The following GZMB variants were observed in gnomAD, a reference collection of about 807,000 sequenced individuals.
The protein encoded by GZMB is granzyme B.
In GZMB, 27 loss-of-function variants were observed where a neutral mutation model predicts 24.2. The ratio of observed to expected loss-of-function variants is 1.12; its 90% CI spans 0.82 to 1.54. The LOEUF (loss-of-function observed/expected upper bound fraction) is 1.54, where lower values mean the gene tolerates loss of function less well. Among genes scored for constraint, GZMB ranks in the 40% most tolerant of loss-of-function variants. The probability of loss-of-function intolerance (pLI) is 0.00; values close to 1 mark genes in which losing one functional copy is unlikely to be tolerated. For missense variants in GZMB, 336 were observed against 310.1 expected, an observed-to-expected ratio of 1.08 and a Z score of -0.63; for synonymous variants, 121 against 115.1, an observed-to-expected ratio of 1.05 and a Z score of -0.33.
rs745542995 is a variant in GZMB, at chr14:24,632,508, GC to G, written c.204-50del. 1.9e-6 allele frequency: 3 copies of G among 1,612,856 alleles called. No individual in the cohort carries two copies. The South Asian group carries it at 3.3e-5, about 18-fold the overall frequency. On this transcript the variant is annotated intron_variant, in intron 2 of 4. Transcript: ENST00000216341. ...TGGGGGTGGAGTCACAGGGTATACA[GC>G]CCAGAGACAGTGAAGAGCAGGTGAC...
chr14:24,634,011 A>G, intron 1 of GZMB, 95 bp downstream of exon 1: 4 of 1,125,278 alleles, frequency 3.6e-6, no homozygotes, highest in Non-Finnish European at 5.3e-6. Flanking sequence ...GGAGTTCAGA[A>G]CATTCCTGGT....
chr14:24,632,168 C>T (rs763703713), intron 3 of GZMB, 50 bp from the exon 4 acceptor site: 2 of 1,602,166 alleles, frequency 1.2e-6, no homozygotes, highest in Admixed American at 1.7e-5. Context: ...AACTTCTGGG[C>T]CCCGACACAG....
In GZMB at chr14:24,631,915, G is replaced by A. The variant is rs199941584; in HGVS notation, c.543C>T (p.Tyr181=). The A allele has an allele frequency of 3.0e-5, 48 of 1,613,788 alleles. No homozygotes were observed. The highest frequency in any genetic ancestry group is 4.0e-5 in the African/African-American group (3 of 75,032). Reference sequence around the variant, plus strand: ...CCACGCACAACTCAATGGTACTGTCGTAATAATGGCGTAAGTCAGATTCGC... The same window carrying A: ...CCACGCACAACTCAATGGTACTGTCATAATAATGGCGTAAGTCAGATTCGC... ...RKCESDLRHY[Y]DSTIELCVGD... The change falls in exon 4 of 5, where the codon TAC becomes TAT. Residue 181 remains tyrosine (Y), a synonymous_variant. Coordinates refer to ENST00000216341, the MANE Select transcript of GZMB (RefSeq NM_004131.6).
chr14:24,633,020 G>A lies in GZMB; in HGVS notation c.98C>T (p.Pro33Leu), dbSNP rs912310282. The part of the protein sequence containing the change: ...GGHEAKPHSR[P>L]YMAYLMIWDQ... The stretch of plus-strand genomic sequence containing the variant: ...CCAGATCATAAGATAAGCCATGTAG[G>A]GGCGGGAGTGGGGCTTGGCCTCATG... The change falls in exon 2 of 5, where the codon CCC becomes CTC. Residue 33 changes from proline to leucine, a missense_variant. Coordinates refer to ENST00000216341, the MANE Select transcript of GZMB (RefSeq NM_004131.6). The A allele has an allele frequency of 3.1e-6, 5 of 1,613,552 alleles. No homozygotes were observed. Among genetic ancestry groups the A allele is most frequent in the East Asian group, 4.5e-5 (2 of 44,850 alleles).
At chr14:24,634,035 A>C in intron 1 of GZMB, 71 bp downstream of exon 1, 1 of 1,288,078 alleles carries the variant, frequency 7.8e-7, no homozygotes. Context: ...TAGATGGATC[A>C]GGAATGTGGA....
chr14:24,634,097 G>C lies in GZMB; in HGVS notation c.55+9C>G. 6.3e-7 allele frequency: 1 copy of C among 1,589,150 alleles called. No homozygotes were observed. Among genetic ancestry groups the C allele is most frequent in the Non-Finnish European group, 8.6e-7 (1 of 1,168,830 alleles). ...GGTTGGGCCCCCGAGGGTGGAGACG[G>C]TCACTCACCTGCATCTGCCCTGGGC... On this transcript the variant is annotated intron_variant, in intron 1 of 4. Transcript: ENST00000216341.
At chr14:24,631,512 T>G in intron 4 of GZMB, 3 of 544,538 alleles carry the variant, frequency 5.5e-6, no homozygotes, top group Non-Finnish European at 9.8e-6. Flanking sequence ...ATGTCCACCA[T>G]GGAGGACCAG....
chr14:24,632,166 G>C, intron 3 of GZMB, 48 bp from the exon 4 acceptor site: 1 of 1,603,606 alleles, frequency 6.2e-7, no homozygotes, highest in Non-Finnish European at 8.5e-7. Context: ...CGAACTTCTG[G>C]GCCCCGACAC....
At chr14:24,633,808 A>C (rs572625254) in intron 1 of GZMB, 1 of 453,752 alleles carries the variant, frequency 2.2e-6, no homozygotes, top group Admixed American at 3.4e-5. Flanking sequence ...AGAATAATTT[A>C]ATATTTCTCT....
chr14:24,632,027 AC>A lies in GZMB; in HGVS notation c.430del (p.Val144TrpfsTer20), dbSNP rs778523594. On this transcript the variant is annotated frameshift_variant, in exon 4 of 5. Transcript: ENST00000216341. LOFTEE classifies it high-confidence loss of function. ...GGGGGCCGTCTGCCCCCAGCCGGCC[AC>A]ACTGCATGTCTGCCCTGGCTTCACC... is the stretch of plus-strand genomic sequence containing the variant. ...AQVKPGQTCS[V>X]AGWGQTAPLG... 2 of 1,614,200 alleles carry A rather than the reference AC, an allele frequency of 1.2e-6. No individual in the cohort carries two copies. The highest frequency in any genetic ancestry group is 3.3e-5 in the Admixed American group (2 of 60,024).
At chr14:24,632,156 C>G (rs774562605) in intron 3 of GZMB, 38 bp from the exon 4 acceptor site, 11 of 1,606,750 alleles carry the variant, frequency 6.8e-6, no homozygotes, top group South Asian at 1.1e-5. Flanking sequence ...GGTCAGCCAA[C>G]GAACTTCTGG....
rs2067012035 is a variant in GZMB at position 24,633,007 on chromosome 14, A to G, written c.111T>C (p.Tyr37=). The change falls in exon 2 of 5, where the codon TAT becomes TAC. Residue 37 remains tyrosine, a synonymous_variant. Coordinates refer to ENST00000216341, the MANE Select transcript of GZMB (RefSeq NM_004131.6). ...GAGACTTCTGATCCCAGATCATAAG[A>G]TAAGCCATGTAGGGGCGGGAGTGGG... ...AKPHSRPYMA[Y]LMIWDQKSLK... 3.7e-6 allele frequency: 6 copies of G among 1,613,856 alleles called. No individual in the cohort carries two copies. The highest frequency in any genetic ancestry group is 5.1e-6 in the Non-Finnish European group (6 of 1,179,914).
At chr14:24,632,709 G>T (rs1456899601) in intron 2 of GZMB, 1 of 802,464 alleles carries the variant, frequency 1.2e-6, no homozygotes, top group Admixed American at 2.0e-5. Flanking sequence ...AATATGGCAG[G>T]CTTGGTCACT....
Position 24,632,001 on chromosome 14 carries a change from G to A in GZMB, c.457C>T (p.Leu153=). 1 of 1,614,066 alleles carries A rather than the reference G, an allele frequency of 6.2e-7. No individual in the cohort carries two copies. The highest frequency in any genetic ancestry group is 8.5e-7 in the Non-Finnish European group (1 of 1,179,952). ...SVAGWGQTAP[L]GKHSHTLQEV... ...TGTAGTGTGTGTGAGTGTTTTCCCA[G>A]GGGGGCCGTCTGCCCCCAGCCGGCC... The change falls in exon 4 of 5, where the codon CTG becomes TTG. Residue 153 remains leucine (L), a synonymous_variant. Coordinates refer to ENST00000216341, the MANE Select transcript of GZMB (RefSeq NM_004131.6).
At position 24,631,135 on chromosome 14, in the gene GZMB, G is replaced by A; in HGVS notation, c.680C>T (p.Pro227Leu). ...VSYGRNNGMPPRACTKVSSFV... is the reference protein window; with the variant it reads ...VSYGRNNGMPLRACTKVSSFV... ...GCTTGAGACTTTGGTGCAGGCTCGT[G>A]GAGGCATGCCATTGTTTCGTCCATA... The change falls in exon 5 of 5, where the codon CCA becomes CTA. Residue 227 changes from proline to leucine, a missense_variant. Physicochemically the swap from Pro to Leu is moderately conservative, Grantham distance 98. Coordinates refer to ENST00000216341, the MANE Select transcript of GZMB (RefSeq NM_004131.6). The A allele has an allele frequency of 6.2e-7, 1 of 1,612,338 alleles. No homozygotes were observed. Among genetic ancestry groups the A allele is most frequent in the Non-Finnish European group, 8.5e-7 (1 of 1,178,400 alleles).
Position 24,632,002 on chromosome 14 carries a change from G to T in GZMB, c.456C>A (p.Pro152=). ...GTAGTGTGTGTGAGTGTTTTCCCAG[G>T]GGGGCCGTCTGCCCCCAGCCGGCCA... The part of the protein sequence containing the change: ...CSVAGWGQTA[P]LGKHSHTLQE... The change falls in exon 4 of 5, where the codon CCC becomes CCA. Residue 152 remains proline (P), a synonymous_variant. Coordinates refer to ENST00000216341, the MANE Select transcript of GZMB (RefSeq NM_004131.6). The T allele has an allele frequency of 1.2e-6, 2 of 1,614,150 alleles. No individual in the cohort carries two copies. Among genetic ancestry groups the T allele is most frequent in the Non-Finnish European group, 8.5e-7 (1 of 1,180,012 alleles).
chr14:24,631,519 C>T (rs2066994342), intron 4 of GZMB: 2 of 542,508 alleles, frequency 3.7e-6, no homozygotes, highest in Admixed American at 3.3e-5. Context: ...CCATGGAGGA[C>T]CAGCCCATTA....
At chr14:24,633,881 G>A in intron 1 of GZMB, 1 of 623,694 alleles carries the variant, frequency 1.6e-6, no homozygotes, top group Non-Finnish European at 2.9e-6. Flanking sequence ...GGTGACAAAG[G>A]TGGGCTCTGG....
chr14:24,632,863 G>A, intron 2 of GZMB, 52 bp downstream of exon 2: 1 of 1,554,776 alleles, frequency 6.4e-7, no homozygotes, highest in Non-Finnish European at 8.9e-7. Context: ...AAGAAGGCAG[G>A]GGTCTCTGTG....
Sources: allele counts gnomAD v4.1 joint callset, GRCh38; gene constraint gnomAD v4.1.1; transcripts MANE v1.5; gene names NCBI Gene and HGNC (gene_info 2026-07-23, HGNC 2026-07-21).